MTA1: variants seen among roughly 807,000 people sequenced by gnomAD.
The protein encoded by MTA1 is metastasis associated 1, also known as metastasis-associated protein MTA1.
A neutral mutation model predicts 97.0 loss-of-function variants in MTA1; 15 were observed. The ratio of observed to expected loss-of-function variants is 0.15; its 90% CI spans 0.10 to 0.24. MTA1 has a LOEUF of 0.24. Ranked by LOEUF, MTA1 falls within the 10% of genes least tolerant of loss-of-function variation. MTA1 has a pLI of 1.00. For missense variants in MTA1, 709 were observed against 1,015.1 expected, an observed-to-expected ratio of 0.70 and a Z score of 4.10; for synonymous variants, 435 against 417.5, an observed-to-expected ratio of 1.04 and a Z score of -0.51.
intron 18 of MTA1, among the ~76,000 whole-genome samples, chr14:105,468,611 T>A (rs587619497): frequency 6.6e-6 from 1 of 152,322 alleles, no homozygotes; most frequent in East Asian, 1.9e-4. Context: ...CTTCTGTTCC[T>A]TAAGGGATGG....
In MTA1 at chr14:105,465,203, G is replaced by T; in HGVS notation, c.1624+20G>T. ...ATCTTGGTGAGCAGCCAGGCGTGCT[G>T]GGGGGCTCCCAATGCTGCCTGCAGG... On this transcript the variant is annotated intron_variant, in intron 16 of 20. Coordinates refer to ENST00000331320, the MANE Select transcript of MTA1 (RefSeq NM_004689.4). The T allele has an allele frequency of 1.3e-6, 2 of 1,498,654 alleles. No homozygotes were observed. The highest frequency in any genetic ancestry group is 2.5e-5 in the South Asian group (2 of 81,042). The allele number at this position is 1,498,654 out of a possible 1,614,324, so 92.8% of individuals were successfully genotyped here. A position where few individuals can be genotyped will look rare whatever the true frequency, so the allele number is the denominator to read the frequency against.
At chr14:105,465,350 C>G (rs1299865019) in intron 16 of MTA1, 167 bp downstream of exon 16, 4 of 486,390 alleles carry the variant, frequency 8.2e-6, no homozygotes, top group African/African-American at 4.0e-5. Context: ...CAGGCTCAGG[C>G]AGACCCACTG....
chr14:105,459,104 C>T (rs1199634502), intron 8 of MTA1, among the ~76,000 whole-genome samples: 33 of 91,638 alleles, frequency 3.6e-4, no homozygotes, highest in Middle Eastern at 7.6e-3. Context: ...TGGTCCCTGG[C>T]ACCTGGGGAG....
In MTA1 at chr14:105,470,548, A is replaced by T. The variant is rs1315209010; in HGVS notation, c.*333A>T. The T allele has an allele frequency of 7.6e-6, 2 of 264,832 alleles. No individual in the cohort carries two copies. Among genetic ancestry groups the T allele is most frequent in the Admixed American group, 5.5e-5 (1 of 18,336 alleles). The allele number at this position is 264,832 out of a possible 1,614,324, so 16.4% of individuals were successfully genotyped here. On this transcript the variant is annotated 3_prime_UTR_variant, in exon 21 of 21. Coordinates refer to ENST00000331320, the MANE Select transcript of MTA1 (RefSeq NM_004689.4). ...TGTTCTGTTGAAGGTGCCATTTTAA[A>T]TTTTATTTTTATTACTTTTTTTGTA...
Position 105,466,523 on chromosome 14 carries a change from C to T in MTA1, c.1722C>T (p.Asn574=), listed in dbSNP as rs141109138. Residue 574 remains asparagine, a synonymous_variant, in exon 17 of 21, where the codon AAC becomes AAT. Coordinates refer to ENST00000331320, the MANE Select transcript of MTA1 (RefSeq NM_004689.4). ...CCAAGGTGGCCCCCGTCATCAACAACGGCTCCCCCACCATCCTGGGCAAGC... is the reference window on the plus strand; with the variant it reads ...CCAAGGTGGCCCCCGTCATCAACAATGGCTCCCCCACCATCCTGGGCAAGC... ...TPAKVAPVIN[N]GSPTILGKRS... is the part of the protein sequence containing the mutation. 180 of 1,588,358 alleles carry T rather than the reference C, an allele frequency of 1.1e-4. 1 individual carries two copies. In the African/African-American group the frequency reaches 1.9e-3, roughly 17 times the overall value.
At chr14:105,455,121 G>C (rs1472537445) in intron 7 of MTA1, among the ~76,000 whole-genome samples, 1 of 152,066 alleles carries the variant, frequency 6.6e-6, no homozygotes, top group East Asian at 1.9e-4. Flanking sequence ...GCCCAGGTTG[G>C]TCTCAAACCC....
At chr14:105,436,496 C>A (rs2082328478) in intron 1 of MTA1, among the ~76,000 whole-genome samples, 1 of 152,198 alleles carries the variant, frequency 6.6e-6, no homozygotes, top group Non-Finnish European at 1.5e-5. Context: ...GAATAGTTCC[C>A]AAATTCCCAA....
chr14:105,450,413 A>G (rs1466169579), intron 6 of MTA1, 89 bp downstream of exon 6: 2 of 1,413,680 alleles, frequency 1.4e-6, no homozygotes, highest in Non-Finnish European at 1.9e-6. Context: ...GGCGGCGGAG[A>G]CGATTTTCCC....
chr14:105,443,087 G>T (rs797023636), intron 2 of MTA1, among the ~76,000 whole-genome samples: 9 of 152,340 alleles, frequency 5.9e-5, no homozygotes, highest in African/African-American at 2.2e-4. Flanking sequence ...AGATGTGGAT[G>T]TAACCCCACT....
chr14:105,433,590 C>T (rs957813269), intron 1 of MTA1, among the ~76,000 whole-genome samples: 4 of 152,106 alleles, frequency 2.6e-5, no homozygotes, highest in African/African-American at 7.2e-5. Flanking sequence ...AAGGGAGTAG[C>T]GAGGCTGCTC....
At position 105,451,775 on chromosome 14, in the gene MTA1, C is replaced by CTTTT. The variant is rs1436886470; in HGVS notation, c.432+1455_432+1458dup. Reference sequence around the variant, plus strand: ...CAGCCCTTCCCCCCTTTTTCTTTTTCTTTTTTTGTTTTTTTTTTTTTTTTT... The same window carrying CTTTT: ...CAGCCCTTCCCCCCTTTTTCTTTTTCTTTTTTTTTTTGTTTTTTTTTTTTTTTTT... On this transcript the variant is annotated intron_variant, in intron 6 of 20. Transcript: ENST00000331320. Among the ~76,000 whole-genome samples the CTTTT allele has an allele frequency of 1.5e-4, 18 of 118,262 alleles. 1 individual carries two copies. The highest frequency in any genetic ancestry group is 3.1e-4 in the African/African-American group (10 of 31,780). The allele number at this position is 118,262 out of a possible 152,430, so 77.6% of individuals were successfully genotyped here. A position where few individuals can be genotyped will look rare whatever the true frequency, so the allele number is the denominator to read the frequency against.
At chr14:105,439,602 T>C (rs1319962065) in intron 2 of MTA1, among the ~76,000 whole-genome samples, 3 of 152,138 alleles carry the variant, frequency 2.0e-5, no homozygotes. Flanking sequence ...TCCTCCTGGT[T>C]GGAGACTTTC....
At chr14:105,444,581 A>G (rs993406993) in intron 2 of MTA1, among the ~76,000 whole-genome samples, 1 of 152,112 alleles carries the variant, frequency 6.6e-6, no homozygotes, top group Admixed American at 6.5e-5. Flanking sequence ...GCTTGAGGTC[A>G]GGGGTTCCAG....
chr14:105,433,418 G>T (rs1218152000), intron 1 of MTA1, among the ~76,000 whole-genome samples: 1 of 152,222 alleles, frequency 6.6e-6, no homozygotes, highest in East Asian at 1.9e-4. Context: ...TGTCAGGGTA[G>T]CCTCTCTGAG....
At chr14:105,462,863 C>G (rs587599658) in intron 10 of MTA1, among the ~76,000 whole-genome samples, 10 of 152,058 alleles carry the variant, frequency 6.6e-5, no homozygotes, top group Non-Finnish European at 1.2e-4. Context: ...AGCGAGACTC[C>G]GTCTCAAAAA....
rs2081861678 is a variant in MTA1, at chr14:105,422,183, C to T, written c.28+2120C>T. 6.6e-6 allele frequency among the ~76,000 whole-genome samples: 1 copy of T among 152,212 alleles called. No individual in the cohort carries two copies. The highest frequency in any genetic ancestry group is 6.5e-5 in the Admixed American group (1 of 15,288). ...GGTGAGACTGTAGGCCTCCCCCTCT[C>T]TACTCTGACTGTCCCTATAGGAGAA... is the stretch of plus-strand genomic sequence containing the variant. On this transcript the variant is annotated intron_variant, in intron 1 of 20. Coordinates refer to ENST00000331320, the MANE Select transcript of MTA1 (RefSeq NM_004689.4). This position sits in a 1 kb window ranked among gnomAD's most constrained non-coding sequence, Gnocchi z 4.3.
At chr14:105,465,980 TC>T in intron 16 of MTA1, 1 of 203,166 alleles carries the variant, frequency 4.9e-6, no homozygotes, top group Non-Finnish European at 1.0e-5. Context: ...GTGGCTGGTG[TC>T]AGGGCTGGTC....
In MTA1 at chr14:105,458,272, G is replaced by A. The variant is rs781947697; in HGVS notation, c.553G>A (p.Glu185Lys). Residue 185 changes from glutamate to lysine, a missense_variant and splice_region_variant, in exon 8 of 21, where the codon GAG (glutamate) becomes AAG (lysine). By Grantham distance (56) the Glu-to-Lys change is moderately conservative. Around this residue, in one of 2 missense-constraint regions of MTA1, gnomAD observed 321 missense variants for 593.5 expected, o/e 0.54. Transcript: ENST00000331320. ...ADITDLLKEG[E>K]EDGRDQSRLE... ...AAGGCCACACTTCCTCCCTGTAGGC[G>A]AGGAGGATGGCCGAGACCAGTCCAG... is the stretch of plus-strand genomic sequence containing the variant. The A allele has an allele frequency of 2.1e-5, 34 of 1,612,054 alleles. No individual in the cohort carries two copies. Among genetic ancestry groups the A allele is most frequent in the Non-Finnish European group, 2.6e-5 (31 of 1,179,534 alleles).
chr14:105,440,639 G>T (rs1475936342), intron 2 of MTA1, among the ~76,000 whole-genome samples: 4 of 152,242 alleles, frequency 2.6e-5, no homozygotes, highest in African/African-American at 9.6e-5. Context: ...TTCGTCCTAG[G>T]ACTCCCTCCT....
Sources: gnomAD v4.1 joint callset for allele counts (sites outside exome capture counted in the v4.1 genomes callset) on GRCh38, gnomAD v4.1.1 for gene constraint, gnomAD v4.1.1 regional missense constraint, Gnocchi (gnomAD v3.1) non-coding constraint, MANE v1.5 for transcripts, NCBI Gene and HGNC (gene_info 2026-07-23, HGNC 2026-07-21) for gene names.